MED27: variants seen among roughly 807,000 people sequenced by gnomAD.
MED27 encodes mediator of RNA polymerase II transcription subunit 27.
MED27 carries 30 observed loss-of-function variants against 38.2 expected under a neutral mutation model. The ratio of observed to expected loss-of-function variants is 0.79; its 90% CI spans 0.59 to 1.07. The LOEUF is 1.07. Among genes scored for constraint, MED27 ranks in the 50% least tolerant of loss-of-function variants. The pLI is 0.00. For synonymous variants in MED27, 122 were observed against 153.5 expected (o/e 0.79, Z 1.52); for missense variants, 289 against 397.5 (o/e 0.73, Z 2.32).
chr9:131,973,591 G>T (rs1831533853), intron 3 of MED27, among the ~76,000 whole-genome samples: 1 of 151,866 alleles, frequency 6.6e-6, no homozygotes, highest in Non-Finnish European at 1.5e-5. Context: ...CTGGGACTTG[G>T]CTTTGTCTTG....
chr9:132,041,228 G>C (rs1229358008), intron 2 of MED27, among the ~76,000 whole-genome samples: 4 of 152,250 alleles, frequency 2.6e-5, no homozygotes, highest in African/African-American at 9.6e-5. Flanking sequence ...TAACAGAGCA[G>C]AGAGGATGGC....
intron 3 of MED27, among the ~76,000 whole-genome samples, chr9:131,978,419 A>G (rs527265588): frequency 6.6e-6 from 1 of 152,340 alleles, no homozygotes; most frequent in African/African-American, 2.4e-5. Context: ...AACTGACTAG[A>G]CAGCTGACAT....
At chr9:131,928,973 T>C (rs1458881642) in intron 4 of MED27, among the ~76,000 whole-genome samples, 1 of 152,228 alleles carries the variant, frequency 6.6e-6, no homozygotes, top group Non-Finnish European at 1.5e-5. Flanking sequence ...TTCCTTCTTC[T>C]TGAGGACAGG....
At chr9:131,900,158 A>C (rs184329347) in intron 4 of MED27, among the ~76,000 whole-genome samples, 41 of 152,324 alleles carry the variant, frequency 2.7e-4, no homozygotes, top group African/African-American at 9.6e-4. Flanking sequence ...TTGAAGAGGA[A>C]GCCCAGCCCG....
At chr9:131,942,992 T>G (rs138007614) in intron 3 of MED27, among the ~76,000 whole-genome samples, 2 of 152,198 alleles carry the variant, frequency 1.3e-5, no homozygotes, top group African/African-American at 4.8e-5. Flanking sequence ...AGTAAAGAGA[T>G]CTGGGTGGGT....
intron 2 of MED27, among the ~76,000 whole-genome samples, chr9:132,074,641 C>A (rs1834007745): frequency 6.6e-6 from 1 of 152,226 alleles, no homozygotes; most frequent in African/African-American, 2.4e-5. Flanking sequence ...TTGTTTGCTT[C>A]TTCCATGTTC....
In MED27 at chr9:132,048,276, G is replaced by GA. The variant is rs909502518; in HGVS notation, c.348+29165dup. Among the ~76,000 whole-genome samples, 349 of 148,778 alleles carry GA rather than the reference G, an allele frequency of 2.3e-3. 2 individuals carry two copies. The highest frequency in any genetic ancestry group is 2.1e-3 in the East Asian group (11 of 5,126). On this transcript the variant is annotated intron_variant, in intron 2 of 7. Transcript: ENST00000292035. ...AATCACAATTTTTCTCTCAGGAATG[G>GA]AAAAAAAAAATGTTTCTTGAATGCA...
intron 3 of MED27, among the ~76,000 whole-genome samples, chr9:131,999,267 C>G (rs550588115): frequency 6.6e-5 from 10 of 152,274 alleles, no homozygotes; most frequent in African/African-American, 2.4e-4. Context: ...GCTCAACCAT[C>G]CATAATGAAG....
intron 2 of MED27, among the ~76,000 whole-genome samples, chr9:132,069,131 G>C (rs1396106492): frequency 6.6e-6 from 1 of 152,182 alleles, no homozygotes. Flanking sequence ...AGAAGGCTCT[G>C]GACAAACCAC....
chr9:132,049,872 C>G (rs1833423260), intron 2 of MED27, among the ~76,000 whole-genome samples: 1 of 152,000 alleles, frequency 6.6e-6, no homozygotes, highest in Admixed American at 6.5e-5. Context: ...CCAAAGAAAC[C>G]CAAAAAAGGT....
intron 3 of MED27, among the ~76,000 whole-genome samples, chr9:131,976,957 C>T (rs1387397032): frequency 6.6e-6 from 1 of 152,188 alleles, no homozygotes; most frequent in African/African-American, 2.4e-5. Context: ...TTTCAAGATT[C>T]TACTTGCAGG....
chr9:131,988,645 T>G (rs2131038201), intron 3 of MED27, among the ~76,000 whole-genome samples: 1 of 152,310 alleles, frequency 6.6e-6, no homozygotes, highest in South Asian at 2.1e-4. Context: ...TTTGCTTTTT[T>G]TTGCGGGGGG....
At chr9:132,010,258 G>A (rs1374725164) in intron 3 of MED27, among the ~76,000 whole-genome samples, 1 of 152,178 alleles carries the variant, frequency 6.6e-6, no homozygotes, top group Non-Finnish European at 1.5e-5. Context: ...AGACATTTAC[G>A]CAGCCAACAG....
At chr9:132,049,251 T>A (rs1026318782) in intron 2 of MED27, among the ~76,000 whole-genome samples, 1 of 152,120 alleles carries the variant, frequency 6.6e-6, no homozygotes, top group African/African-American at 2.4e-5. Context: ...ACACTAAAGG[T>A]CGGTCTTGGC....
At chr9:132,073,879 G>A (rs1833994003) in intron 2 of MED27, 2 of 1,198,082 alleles carry the variant, frequency 1.7e-6, no homozygotes, top group Non-Finnish European at 2.2e-6. Flanking sequence ...GGGAAAGGCG[G>A]ACGTCTTAGT....
chr9:131,963,960 T>C (rs1284619649), intron 3 of MED27, among the ~76,000 whole-genome samples: 1 of 152,148 alleles, frequency 6.6e-6, no homozygotes, highest in Non-Finnish European at 1.5e-5. Context: ...TCCAATTTAT[T>C]ACGGGGGTTA....
At chr9:131,915,674 C>G (rs1830276107) in intron 4 of MED27, among the ~76,000 whole-genome samples, 1 of 152,210 alleles carries the variant, frequency 6.6e-6, no homozygotes, top group African/African-American at 2.4e-5. Context: ...AACCACTGTC[C>G]TCCCACTCCC....
chr9:131,868,933 G>A (rs1018444273), intron 6 of MED27: 9 of 985,354 alleles, frequency 9.1e-6, no homozygotes, highest in Non-Finnish European at 1.1e-5. Context: ...GAGGCGGCGG[G>A]AGCCATGCGC....
At chr9:132,056,705 A>G (rs912713481) in intron 2 of MED27, among the ~76,000 whole-genome samples, 1 of 152,160 alleles carries the variant, frequency 6.6e-6, no homozygotes, top group Non-Finnish European at 1.5e-5. Context: ...AGGTATAGAC[A>G]CCGTGACAGA....
Sources: allele counts gnomAD v4.1 joint callset (sites outside exome capture counted in the v4.1 genomes callset), GRCh38; gene constraint gnomAD v4.1.1; transcripts MANE v1.5; gene names NCBI Gene and HGNC (gene_info 2026-07-23, HGNC 2026-07-21).